The following OPCML variants were observed in gnomAD, a reference collection of about 807,000 sequenced individuals.
OPCML encodes the protein opioid-binding protein/cell adhesion molecule.
In OPCML, 13 loss-of-function variants were observed where a neutral mutation model predicts 37.8. The ratio of observed to expected loss-of-function variants is 0.34; its 90% confidence interval spans 0.22 to 0.55. The LOEUF (loss-of-function observed/expected upper bound fraction) is 0.55. Among genes scored for constraint, OPCML ranks in the 20% least tolerant of loss-of-function variants. The pLI, the probability that OPCML is intolerant of heterozygous loss-of-function variation, is 0.91. For synonymous variants in OPCML, 176 were observed against 168.8 expected (o/e 1.04, Z -0.33); for missense variants, 341 against 435.6 (o/e 0.78, Z 1.93).
At chr11:132,481,110 T>A (rs1401937191) in intron 4 of OPCML, among the ~76,000 whole-genome samples, 7 of 152,218 alleles carry the variant, frequency 4.6e-5, no homozygotes, top group African/African-American at 1.7e-4. Context: ...ATGCTCCAAT[T>A]AAAAGACACA....
At chr11:132,814,599 T>A (rs1416728634) in intron 2 of OPCML, among the ~76,000 whole-genome samples, 1 of 152,196 alleles carries the variant, frequency 6.6e-6, no homozygotes, top group African/African-American at 2.4e-5. Context: ...GCATTCTAGT[T>A]TAATGAGTCC....
At chr11:133,480,744 T>A (rs899945348) in intron 1 of OPCML, among the ~76,000 whole-genome samples, 4 of 152,240 alleles carry the variant, frequency 2.6e-5, no homozygotes, top group Admixed American at 6.5e-5. Flanking sequence ...TCCAGTGCCA[T>A]CCATATCTGA....
chr11:132,756,009 C>T (rs904194293), intron 2 of OPCML, among the ~76,000 whole-genome samples: 1 of 152,166 alleles, frequency 6.6e-6, no homozygotes, highest in African/African-American at 2.4e-5. Context: ...TCTACTCTGT[C>T]CTCAGGATCA....
At chr11:132,566,987 CT>C (rs2096424983) in intron 3 of OPCML, among the ~76,000 whole-genome samples, 1 of 144,790 alleles carries the variant, frequency 6.9e-6, no homozygotes, top group African/African-American at 2.6e-5. Context: ...TTTTTTTTTC[CT>C]GCAGAATGAC....
At chr11:133,002,003 CAGAA>C (rs948154082) in intron 1 of OPCML, among the ~76,000 whole-genome samples, 25 of 152,060 alleles carry the variant, frequency 1.6e-4, no homozygotes, top group African/African-American at 5.6e-4. Context: ...TTTTGACAAA[CAGAA>C]AGAGAGAAAA....
intron 3 of OPCML, among the ~76,000 whole-genome samples, chr11:132,651,063 G>A (rs936377386): frequency 6.6e-6 from 1 of 152,172 alleles, no homozygotes; most frequent in Non-Finnish European, 1.5e-5. Flanking sequence ...ACCGCTCCTT[G>A]GTGCAATCCC....
At chr11:133,381,046 G>C (rs956689191) in intron 1 of OPCML, among the ~76,000 whole-genome samples, 1 of 152,240 alleles carries the variant, frequency 6.6e-6, no homozygotes, top group Non-Finnish European at 1.5e-5. Flanking sequence ...TACACCCAGA[G>C]TGTGGAGGTA....
chr11:133,483,713 T>C (rs1396433619), intron 1 of OPCML, among the ~76,000 whole-genome samples: 3 of 146,212 alleles, frequency 2.1e-5, no homozygotes, highest in Non-Finnish European at 3.0e-5. Context: ...GATAGATAGA[T>C]AGATAGATAA....
chr11:133,132,695 T>C (rs1286488115), intron 1 of OPCML, among the ~76,000 whole-genome samples: 1 of 152,130 alleles, frequency 6.6e-6, no homozygotes, highest in African/African-American at 2.4e-5. Context: ...GACATATTGA[T>C]ACACACATTT....
chr11:132,620,053 C>A (rs978992734), intron 3 of OPCML, among the ~76,000 whole-genome samples: 2 of 152,026 alleles, frequency 1.3e-5, no homozygotes, highest in African/African-American at 4.8e-5. Flanking sequence ...TTAGAGCATG[C>A]CTTTCTTTGA....
At chr11:133,300,248 A>G (rs1942744786) in intron 1 of OPCML, 1 of 152,206 alleles carries the variant, frequency 6.6e-6, no homozygotes, top group South Asian at 2.1e-4. Flanking sequence ...AATAAAGTAG[A>G]AAAATGAGAA....
intron 2 of OPCML, among the ~76,000 whole-genome samples, chr11:132,681,765 C>T (rs529603576): frequency 6.6e-6 from 1 of 152,178 alleles, no homozygotes; most frequent in South Asian, 2.1e-4. Flanking sequence ...ACCATCCTGG[C>T]TAACACGGTG....
At chr11:133,090,977 T>C (rs775858071) in intron 1 of OPCML, among the ~76,000 whole-genome samples, 6 of 152,210 alleles carry the variant, frequency 3.9e-5, no homozygotes, top group Non-Finnish European at 8.8e-5. Flanking sequence ...TGCCATTTCC[T>C]AGAGTGCTAA....
intron 1 of OPCML, among the ~76,000 whole-genome samples, chr11:133,124,228 C>A (rs2137120875): frequency 6.6e-6 from 1 of 152,142 alleles, no homozygotes; most frequent in East Asian, 1.9e-4. Flanking sequence ...CTCTTAAGTC[C>A]AGCTTTCCCT....
At chr11:133,118,479 TC>T in intron 1 of OPCML, 1 of 916,414 alleles carries the variant, frequency 1.1e-6, no homozygotes, top group Non-Finnish European at 1.3e-6. Flanking sequence ...ACTGAATGCC[TC>T]CATTTGGTCA....
chr11:132,476,474 A>C (rs2136986534), intron 4 of OPCML, among the ~76,000 whole-genome samples: 1 of 152,330 alleles, frequency 6.6e-6, no homozygotes, highest in African/African-American at 2.4e-5. Flanking sequence ...GATTAAGAAA[A>C]TGTGGCACAT....
At chr11:133,532,130 CT>C in intron 1 of OPCML, 133 bp downstream of exon 1, 2 of 1,422,690 alleles carry the variant, frequency 1.4e-6, no homozygotes, top group African/African-American at 2.8e-5. Context: ...AAGCCTACCT[CT>C]TTCACTCACA....
chr11:133,106,852 T>C (rs1949166449), intron 1 of OPCML, among the ~76,000 whole-genome samples: 1 of 152,214 alleles, frequency 6.6e-6, no homozygotes, highest in Non-Finnish European at 1.5e-5. Flanking sequence ...CCTCGCCTTG[T>C]ACCATGCCTC....
chr11:132,822,339 T>C (rs1015033486), intron 2 of OPCML, among the ~76,000 whole-genome samples: 1 of 152,076 alleles, frequency 6.6e-6, no homozygotes, highest in Non-Finnish European at 1.5e-5. Context: ...TCCATATTTC[T>C]TTCCACCATT....
Sources: allele counts gnomAD v4.1 joint callset (sites outside exome capture counted in the v4.1 genomes callset), GRCh38; gene constraint gnomAD v4.1.1; transcripts MANE v1.5; gene names NCBI Gene and HGNC (gene_info 2026-07-23, HGNC 2026-07-21).